MORF4L1: variants seen among roughly 807,000 people sequenced by gnomAD.
MORF4L1 encodes mortality factor 4 like 1.
MORF4L1 carries 4 observed loss-of-function variants against 52.9 expected under a neutral mutation model. That is an observed-to-expected ratio of 0.08 (90% confidence interval 0.04 to 0.17). The LOEUF (loss-of-function observed/expected upper bound fraction) is 0.17, where lower values mean the gene tolerates loss of function less well. Among genes scored for constraint, MORF4L1 ranks in the 10% least tolerant of loss-of-function variants. The pLI is 1.00. For synonymous variants in MORF4L1, 123 were observed against 134.8 expected (o/e 0.91, Z 0.61); for missense variants, 214 against 390.4 (o/e 0.55, Z 3.81).
At chr15:78,879,525 G>A (rs1010945628) in intron 2 of MORF4L1, among the ~76,000 whole-genome samples, 18 of 152,106 alleles carry the variant, frequency 1.2e-4, no homozygotes, top group African/African-American at 4.1e-4. Context: ...TTGGGAGACT[G>A]TCTCTTAAAA....
At chr15:78,879,736 G>T (rs1284173540) in intron 2 of MORF4L1, among the ~76,000 whole-genome samples, 1 of 150,106 alleles carries the variant, frequency 6.7e-6, no homozygotes, top group Non-Finnish European at 1.5e-5. Flanking sequence ...TCAGGAGTTT[G>T]AGATCAGTCT....
intron 1 of MORF4L1, chr15:78,873,657 C>T (rs950033478): frequency 6.4e-6 from 1 of 156,188 alleles, no homozygotes; most frequent in South Asian, 1.6e-4. Flanking sequence ...GGAGGCACAG[C>T]TTACGGGCAG....
intron 2 of MORF4L1, among the ~76,000 whole-genome samples, chr15:78,878,797 G>T (rs2056543651): frequency 6.6e-6 from 1 of 151,982 alleles, no homozygotes; most frequent in Admixed American, 6.6e-5. Context: ...GCATTCCAAA[G>T]TAAAAAAAAG....
intron 1 of MORF4L1, among the ~76,000 whole-genome samples, chr15:78,875,350 GT>G (rs1454202354): frequency 6.6e-6 from 1 of 152,228 alleles, no homozygotes; most frequent in African/African-American, 2.4e-5. Context: ...TTGGAGAAGA[GT>G]AGGAACCAAG....
intron 5 of MORF4L1, among the ~76,000 whole-genome samples, chr15:78,889,128 C>T (rs1323984896): frequency 1.3e-5 from 2 of 152,108 alleles, no homozygotes; most frequent in Non-Finnish European, 2.9e-5. Context: ...AAAATAATGG[C>T]TGAGTAAATA....
At chr15:78,875,458 G>A (rs6495348) in intron 1 of MORF4L1, among the ~76,000 whole-genome samples, 143,593 of 152,260 alleles carry the variant, frequency 0.94, 68,300 homozygotes, top group East Asian at 1. Flanking sequence ...ATGGAATTGT[G>A]TAACCACGTT....
intron 1 of MORF4L1, among the ~76,000 whole-genome samples, chr15:78,873,413 C>T (rs1306610238): frequency 1.7e-4 from 20 of 117,794 alleles, no homozygotes; most frequent in Non-Finnish European, 2.8e-4. Flanking sequence ...AGTGATGTGG[C>T]GGCGGGGGGG....
intron 5 of MORF4L1, among the ~76,000 whole-genome samples, chr15:78,887,596 A>G (rs943445244): frequency 1.3e-5 from 2 of 152,210 alleles, no homozygotes; most frequent in African/African-American, 4.8e-5. Context: ...TCTTACAAAG[A>G]TAGTACTAGT....
intron 1 of MORF4L1, chr15:78,873,304 A>C: frequency 1.6e-6 from 2 of 1,241,864 alleles, no homozygotes; most frequent in Non-Finnish European, 2.1e-6. Flanking sequence ...CGCGTGGCAC[A>C]CCCTCGTCAA....
Position 78,891,022 on chromosome 15 carries a change from T to C in MORF4L1, c.349+8T>C. 6.8e-7 allele frequency: 1 copy of C among 1,476,480 alleles called. No homozygotes were observed. Among genetic ancestry groups the C allele is most frequent in the African/African-American group, 1.4e-5 (1 of 71,156 alleles). The allele number at this position is 1,476,480 out of a possible 1,614,324, so 91.5% of individuals were successfully genotyped here. On this transcript the variant is annotated splice_region_variant and intron_variant, in intron 6 of 11. Transcript: ENST00000426013. ...AAAAGAACAAACAGAAAAGTAAGAATATTAACTTTCTTAACGTTAATTTAT... is the reference window on the plus strand; with the variant it reads ...AAAAGAACAAACAGAAAAGTAAGAACATTAACTTTCTTAACGTTAATTTAT...
chr15:78,891,273 A>G (rs572475288), intron 6 of MORF4L1: 7 of 650,298 alleles, frequency 1.1e-5, no homozygotes, highest in Middle Eastern at 4.0e-4. Context: ...TAAATGGAAG[A>G]TGGTGATACT....
At chr15:78,878,329 G>C (rs2056534457) in intron 2 of MORF4L1, 70 bp downstream of exon 2, 1 of 1,424,608 alleles carries the variant, frequency 7.0e-7, no homozygotes, top group Non-Finnish European at 9.7e-7. Context: ...TAATATACAA[G>C]TACAGTATTT....
chr15:78,880,822 T>G (rs1301915587), intron 3 of MORF4L1, among the ~76,000 whole-genome samples: 1 of 151,902 alleles, frequency 6.6e-6, no homozygotes, highest in Non-Finnish European at 1.5e-5. Flanking sequence ...CTATTAGTCA[T>G]ATAGTCAATC....
rs987532610 is a variant in MORF4L1 at position 78,887,304 on chromosome 15, C to T, written c.278C>T (p.Ala93Val). The change falls in exon 5 of 12, where the codon GCC becomes GTC. Residue 93 changes from alanine (A) to valine (V), a missense_variant. Ala to Val is a moderately conservative substitution (Grantham distance 64). This residue lies in a region of MORF4L1 where 84 missense variants were observed against 116.3 expected (regional missense o/e 0.72). Coordinates refer to ENST00000426013, the MANE Select transcript of MORF4L1 (RefSeq NM_006791.4). ...QYAEGKMRGA[A>V]PGKKTSGLQQ... ...GCAGAGGGGAAGATGAGAGGGGCTGCCCCAGGAAAGAAGACATCTGGTCTG... is the reference window on the plus strand; with the variant it reads ...GCAGAGGGGAAGATGAGAGGGGCTGTCCCAGGAAAGAAGACATCTGGTCTG... 9 of 1,611,336 alleles carry T rather than the reference C, an allele frequency of 5.6e-6. No homozygotes were observed. The highest frequency in any genetic ancestry group is 5.9e-6 in the Non-Finnish European group (7 of 1,179,408).
rs1253363175 is a variant in MORF4L1 at position 78,873,015 on chromosome 15, T to G, written c.-3T>G. ...GAAGGAGGAGGCGGCGAATCACTTA[T>G]AAATGGCGCCGAAGCAGGACCCGAA... On this transcript the variant is annotated 5_prime_UTR_variant, in exon 1 of 12. Coordinates refer to ENST00000426013, the MANE Select transcript of MORF4L1 (RefSeq NM_006791.4). The G allele has an allele frequency of 6.4e-7, 1 of 1,551,868 alleles. No homozygotes were observed. Among genetic ancestry groups the G allele is most frequent in the Non-Finnish European group, 8.7e-7 (1 of 1,147,088 alleles).
At chr15:78,886,273 A>G (rs767301617) in intron 4 of MORF4L1, 46 bp downstream of exon 4, 2 of 1,470,974 alleles carry the variant, frequency 1.4e-6, no homozygotes, top group Non-Finnish European at 1.9e-6. Flanking sequence ...ATGCCTGTAG[A>G]TTAATTCTGG....
chr15:78,895,577 T>C (rs2056873399), intron 11 of MORF4L1, among the ~76,000 whole-genome samples: 1 of 152,234 alleles, frequency 6.6e-6, no homozygotes, highest in African/African-American at 2.4e-5. Context: ...GAGGTCACTC[T>C]AAACATACTG....
chr15:78,880,169 A>C (rs1206454962), intron 2 of MORF4L1, among the ~76,000 whole-genome samples: 2 of 152,246 alleles, frequency 1.3e-5, no homozygotes, highest in Non-Finnish European at 1.5e-5. Flanking sequence ...TATAGTTTAA[A>C]GACTTTGCTT....
Position 78,897,980 on chromosome 15 carries a change from A to G in MORF4L1, c.*913A>G, listed in dbSNP as rs1339916049. 1 of 151,884 alleles carries G rather than the reference A, an allele frequency of 6.6e-6. No homozygotes were observed. The highest frequency in any genetic ancestry group is 2.4e-5 in the African/African-American group (1 of 41,300). 9.4% of individuals were successfully genotyped at this position (151,884 alleles called of 1,614,324 possible). A position where few individuals can be genotyped will look rare whatever the true frequency, so the allele number is the denominator to read the frequency against. On this transcript the variant is annotated 3_prime_UTR_variant, in exon 12 of 12. Transcript: ENST00000426013. The stretch of plus-strand genomic sequence containing the variant: ...TTTTATTTTCCCTAAATTATTACTT[A>G]CTCTGAGCATTAATTAAGGGCATTT...
Sources: allele counts gnomAD v4.1 joint callset (sites outside exome capture counted in the v4.1 genomes callset), GRCh38; gene constraint gnomAD v4.1.1; regional missense constraint gnomAD v4.1.1; transcripts MANE v1.5; gene names NCBI Gene and HGNC (gene_info 2026-07-23, HGNC 2026-07-21).